Variants in PDZRN4 observed in about 807,000 individuals in gnomAD.
PDZRN4 encodes PDZ domain containing ring finger 4, also known as PDZ domain-containing RING finger protein 4.
In PDZRN4, 70 loss-of-function variants were observed where a neutral mutation model predicts 99.0. That is an observed-to-expected ratio of 0.71 (90% CI 0.58 to 0.86). The LOEUF is 0.86. PDZRN4 is among the 40% of genes least tolerant of loss of function. PDZRN4 has a pLI of 0.00. For synonymous variants in PDZRN4, 551 were observed against 501.6 expected (o/e 1.10, Z -1.32); for missense variants, 1,474 against 1,331.2 (o/e 1.11, Z -1.67).
At chr12:41,539,026 C>A (rs1938799397) in intron 5 of PDZRN4, among the ~76,000 whole-genome samples, 3 of 151,952 alleles carry the variant, frequency 2.0e-5, no homozygotes, top group Admixed American at 6.6e-5. Context: ...CCAGGAGGTA[C>A]AGGCAACTAG....
At chr12:41,313,315 CCA>C (rs1951619152) in intron 3 of PDZRN4, among the ~76,000 whole-genome samples, 1 of 152,160 alleles carries the variant, frequency 6.6e-6, no homozygotes, top group African/African-American at 2.4e-5. Context: ...TTCACCATCC[CCA>C]GTTTTCCTTT....
intron 3 of PDZRN4, among the ~76,000 whole-genome samples, chr12:41,360,650 G>T (rs1951957407): frequency 6.6e-6 from 1 of 151,986 alleles, no homozygotes; most frequent in Non-Finnish European, 1.5e-5. Flanking sequence ...ATGAATAATT[G>T]ACTTGCATTT....
chr12:41,317,211 A>C (rs1488855477), intron 3 of PDZRN4, among the ~76,000 whole-genome samples: 1 of 151,730 alleles, frequency 6.6e-6, no homozygotes, highest in Non-Finnish European at 1.5e-5. Flanking sequence ...TAAAGAGATA[A>C]AAAATTATTT....
chr12:41,224,979 C>A (rs1009501953), intron 3 of PDZRN4, among the ~76,000 whole-genome samples: 6 of 151,892 alleles, frequency 4.0e-5, no homozygotes, highest in Non-Finnish European at 8.8e-5. Context: ...AATCATAATA[C>A]CTGGCCTGAA....
intron 3 of PDZRN4, among the ~76,000 whole-genome samples, chr12:41,290,630 A>G (rs529197551): frequency 6.6e-6 from 1 of 152,246 alleles, no homozygotes; most frequent in East Asian, 1.9e-4. Context: ...TCTAGTATTG[A>G]TATTTCTTAA....
At chr12:41,458,703 C>T (rs1592067733) in intron 3 of PDZRN4, among the ~76,000 whole-genome samples, 1 of 151,956 alleles carries the variant, frequency 6.6e-6, no homozygotes, top group African/African-American at 2.4e-5. Flanking sequence ...CCTGGAGGCT[C>T]CTGTTGGTGG....
intron 5 of PDZRN4, among the ~76,000 whole-genome samples, chr12:41,542,934 T>C (rs367912374): frequency 6.6e-6 from 1 of 152,208 alleles, no homozygotes; most frequent in African/African-American, 2.4e-5. Flanking sequence ...CCTAATTTTA[T>C]AATTGCTTAT....
At chr12:41,216,551 A>G (rs78679256) in intron 3 of PDZRN4, among the ~76,000 whole-genome samples, 2,597 of 152,170 alleles carry the variant, frequency 0.017, 49 homozygotes, top group African/African-American at 0.047. Context: ...TATCTTTTAA[A>G]TTAACTATTT....
At chr12:41,268,548 T>G (rs771741646) in intron 3 of PDZRN4, among the ~76,000 whole-genome samples, 20 of 152,186 alleles carry the variant, frequency 1.3e-4, no homozygotes, top group Non-Finnish European at 1.3e-4. Flanking sequence ...CATTATTTGG[T>G]TTTTAATTAT....
chr12:41,292,984 C>T (rs1022900973), intron 3 of PDZRN4, among the ~76,000 whole-genome samples: 2 of 151,520 alleles, frequency 1.3e-5, no homozygotes, highest in South Asian at 4.2e-4. Flanking sequence ...GGGGTCCTTG[C>T]ATGCTGTGGC....
intron 2 of PDZRN4, among the ~76,000 whole-genome samples, chr12:41,192,576 A>G (rs887019067): frequency 6.6e-6 from 1 of 152,254 alleles, no homozygotes; most frequent in African/African-American, 2.4e-5. Flanking sequence ...ATTTGATAAT[A>G]TTAGGCAATT....
At chr12:41,346,609 T>A (rs1951857020) in intron 3 of PDZRN4, among the ~76,000 whole-genome samples, 1 of 152,204 alleles carries the variant, frequency 6.6e-6, no homozygotes, top group Non-Finnish European at 1.5e-5. Flanking sequence ...ATATAGTAAA[T>A]ACAGATATAT....
In PDZRN4 at chr12:41,388,388, T is replaced by TA. The variant is rs35649287; in HGVS notation, c.844-118056dup. ...TACCTCTGAGCTTAAAATAAAAGAT[T>TA]AAAAAAAAAAAAGGAAAGTTGGAGG... On this transcript the variant is annotated intron_variant, in intron 3 of 9. Coordinates refer to ENST00000402685, the MANE Select transcript of PDZRN4 (RefSeq NM_001164595.2). 2.6e-3 allele frequency among the ~76,000 whole-genome samples: 381 copies of TA among 147,868 alleles called. 2 individuals are homozygous for TA. The highest frequency in any genetic ancestry group is 7.6e-3 in the African/African-American group (310 of 40,556).
intron 3 of PDZRN4, among the ~76,000 whole-genome samples, chr12:41,405,135 C>A (rs936869965): frequency 2.0e-5 from 3 of 151,956 alleles, no homozygotes; most frequent in Non-Finnish European, 4.4e-5. Flanking sequence ...AACTAAAGAG[C>A]TTCTGCACAA....
At chr12:41,476,871 T>C (rs1953047915) in intron 3 of PDZRN4, among the ~76,000 whole-genome samples, 1 of 152,224 alleles carries the variant, frequency 6.6e-6, no homozygotes, top group Admixed American at 6.5e-5. Context: ...CAGGTTACAA[T>C]TTCTGCCAAG....
chr12:41,429,342 T>C (rs1226159566), intron 3 of PDZRN4, among the ~76,000 whole-genome samples: 1 of 152,212 alleles, frequency 6.6e-6, no homozygotes, highest in Non-Finnish European at 1.5e-5. Context: ...ACATATTCAA[T>C]GCAGCAGTAC....
intron 3 of PDZRN4, among the ~76,000 whole-genome samples, chr12:41,208,151 T>TTCCCAGGATTCAACTGTTAAA (rs1196445172): frequency 6.6e-6 from 1 of 151,924 alleles, no homozygotes; most frequent in African/African-American, 2.4e-5. Context: ...ACTGCTTCTA[T>TTCCCAGGATTCAACTGTTAAA]TCCCAGGATT....
chr12:41,379,156 T>C (rs1439688877), intron 3 of PDZRN4, among the ~76,000 whole-genome samples: 1 of 151,836 alleles, frequency 6.6e-6, no homozygotes, highest in Admixed American at 6.6e-5. Flanking sequence ...ATGTTCATGG[T>C]AGATTTTGAT....
At chr12:41,460,353 A>G (rs1952859834) in intron 3 of PDZRN4, among the ~76,000 whole-genome samples, 1 of 152,220 alleles carries the variant, frequency 6.6e-6, no homozygotes, top group Non-Finnish European at 1.5e-5. Context: ...TTTCTAGTGC[A>G]TAATTTTTAA....
Sources: gnomAD v4.1 joint callset for allele counts (sites outside exome capture counted in the v4.1 genomes callset) on GRCh38, gnomAD v4.1.1 for gene constraint, MANE v1.5 for transcripts, NCBI Gene and HGNC (gene_info 2026-07-23, HGNC 2026-07-21) for gene names.